The following THSD4 variants were observed in gnomAD, a reference collection of about 807,000 sequenced individuals.
The protein encoded by THSD4 is thrombospondin type 1 domain containing 4, also known as thrombospondin type-1 domain-containing protein 4.
THSD4 carries 69 observed loss-of-function variants against 119.0 expected under a neutral mutation model. The observed-to-expected ratio is 0.58, with a 90% CI of 0.48 to 0.71. The LOEUF is 0.71. THSD4 is among the 30% of genes least tolerant of loss of function. The probability of loss-of-function intolerance (pLI) is 0.00; values close to 1 mark genes in which losing one functional copy is unlikely to be tolerated. For missense variants in THSD4, 1,393 were observed against 1,391.1 expected (o/e 1.00, Z -0.02); for synonymous variants, 524 against 540.4 (o/e 0.97, Z 0.42).
intron 1 of THSD4, among the ~76,000 whole-genome samples, chr15:71,129,742 TAGAC>T (rs150423540): frequency 0.023 from 3,491 of 152,278 alleles, 139 homozygotes; most frequent in African/African-American, 0.081. Flanking sequence ...TCTGTAAGGA[TAGAC>T]AGAGTTTTTT....
chr15:71,298,374 C>T (rs958120647), intron 6 of THSD4, among the ~76,000 whole-genome samples: 5 of 152,114 alleles, frequency 3.3e-5, no homozygotes, highest in African/African-American at 4.8e-5. Context: ...AAATGTAAGT[C>T]TTCCAACTTT....
At chr15:71,747,506 C>T (rs1247343956) in intron 13 of THSD4, among the ~76,000 whole-genome samples, 1 of 152,142 alleles carries the variant, frequency 6.6e-6, no homozygotes, top group African/African-American at 2.4e-5. Flanking sequence ...ACACGAACAA[C>T]GTTGGACATG....
chr15:71,411,950 G>T (rs151279327), intron 7 of THSD4, 127 bp downstream of exon 7: 3 of 1,267,258 alleles, frequency 2.4e-6, no homozygotes, highest in Non-Finnish European at 3.2e-6. Flanking sequence ...TCAACCATGC[G>T]CTCTGGGAGG....
At chr15:71,347,813 C>G (rs2045686412) in intron 6 of THSD4, among the ~76,000 whole-genome samples, 1 of 152,166 alleles carries the variant, frequency 6.6e-6, no homozygotes, top group Admixed American at 6.5e-5. Flanking sequence ...TCTTGTTCTC[C>G]TAACTTAACA....
At chr15:71,350,815 T>C (rs1449819248) in intron 6 of THSD4, among the ~76,000 whole-genome samples, 1 of 152,202 alleles carries the variant, frequency 6.6e-6, no homozygotes, top group Non-Finnish European at 1.5e-5. Context: ...GGGCGTCTCC[T>C]GTGTGCAAGT....
At chr15:71,637,657 G>C (rs1595814915) in intron 7 of THSD4, among the ~76,000 whole-genome samples, 1 of 152,268 alleles carries the variant, frequency 6.6e-6, no homozygotes, top group South Asian at 2.1e-4. Context: ...TGGGGGAGGT[G>C]GCAATGGGGA....
intron 2 of THSD4, among the ~76,000 whole-genome samples, chr15:71,148,256 C>T (rs1269776434): frequency 6.6e-6 from 1 of 152,144 alleles, no homozygotes; most frequent in Non-Finnish European, 1.5e-5. Flanking sequence ...CAGAGGGAGC[C>T]CAGTTAAGAG....
intron 7 of THSD4, among the ~76,000 whole-genome samples, chr15:71,437,660 C>T (rs1232257604): frequency 6.6e-6 from 1 of 152,106 alleles, no homozygotes; most frequent in African/African-American, 2.4e-5. Context: ...TTTCTGAGCC[C>T]CAGCACTGCA....
At chr15:71,538,046 C>A (rs1251732894) in intron 7 of THSD4, among the ~76,000 whole-genome samples, 1 of 152,106 alleles carries the variant, frequency 6.6e-6, no homozygotes, top group Non-Finnish European at 1.5e-5. Context: ...AGACATGAGC[C>A]ACCGTGCCCA....
intron 7 of THSD4, among the ~76,000 whole-genome samples, chr15:71,620,387 G>A (rs2050399102): frequency 6.6e-6 from 1 of 152,030 alleles, no homozygotes; most frequent in Non-Finnish European, 1.5e-5. Context: ...GAGACTAGGA[G>A]TTAGAGATCA....
In THSD4 at chr15:71,779,541, C is replaced by A. The variant is rs2053966416; in HGVS notation, c.*2167C>A. On this transcript the variant is annotated 3_prime_UTR_variant, in exon 18 of 18. Transcript: ENST00000261862. ...AACACCTTCTAGCCATCAAAGCCGCCCAACAGAGGCAAGGGCCACCACACA... is the reference window on the plus strand; with the variant it reads ...AACACCTTCTAGCCATCAAAGCCGCACAACAGAGGCAAGGGCCACCACACA... The A allele has an allele frequency of 6.6e-6, 1 of 152,248 alleles. No individual in the cohort carries two copies. The allele number at this position is 152,248 out of a possible 1,614,324, so 9.4% of individuals were successfully genotyped here. A position where few individuals can be genotyped will look rare whatever the true frequency, so the allele number is the denominator to read the frequency against.
intron 10 of THSD4, chr15:71,732,473 C>A (rs2052999488): frequency 1.3e-5 from 2 of 152,142 alleles, no homozygotes; most frequent in Admixed American, 1.3e-4. Flanking sequence ...GCCCACCACC[C>A]AAATGCAGGC....
rs148732549 is a variant in THSD4, at chr15:71,220,773, G to A, written c.464+5374G>A. Among the ~76,000 whole-genome samples, 22 of 152,278 alleles carry A rather than the reference G, an allele frequency of 1.4e-4. No homozygotes were observed. In the East Asian group the frequency reaches 1.5e-3, roughly 11 times the overall value. Reference sequence around the variant, plus strand: ...ACAGGGAGCCAGGAACTGAGCTCCCGTCCAGATGGGTGGGACTCTGGGAAG... The same window carrying A: ...ACAGGGAGCCAGGAACTGAGCTCCCATCCAGATGGGTGGGACTCTGGGAAG... On this transcript the variant is annotated intron_variant, in intron 4 of 17. Transcript: ENST00000261862.
chr15:71,603,880 T>G (rs1184022390), intron 7 of THSD4, among the ~76,000 whole-genome samples: 2 of 152,144 alleles, frequency 1.3e-5, no homozygotes, highest in Non-Finnish European at 2.9e-5. Flanking sequence ...CTAGCTGTGG[T>G]CATCCAGGCA....
intron 6 of THSD4, among the ~76,000 whole-genome samples, chr15:71,257,981 T>G (rs1295775093): frequency 1.3e-5 from 2 of 151,998 alleles, no homozygotes; most frequent in Non-Finnish European, 2.9e-5. Flanking sequence ...TTGATTTGAT[T>G]CTGTGGATAG....
In THSD4 at chr15:71,351,574, C is replaced by T. The variant is rs2045744098; in HGVS notation, c.1016-60113C>T. On this transcript the variant is annotated intron_variant, in intron 6 of 17. Coordinates refer to ENST00000261862, the MANE Select transcript of THSD4 (RefSeq NM_024817.3). ...CACAAACTAAGCAAATCTTTTATAA[C>T]TTCAAAATATCAAAATGCTTCTCAC... Among the ~76,000 whole-genome samples the T allele has an allele frequency of 2.6e-5, 4 of 152,174 alleles. No homozygotes were observed. In the South Asian group the frequency reaches 8.3e-4, roughly 32 times the overall value.
chr15:71,367,041 C>T (rs1336854957), intron 6 of THSD4, among the ~76,000 whole-genome samples: 1 of 152,144 alleles, frequency 6.6e-6, no homozygotes, highest in Non-Finnish European at 1.5e-5. Context: ...ATTCAAGAGT[C>T]GTTAGTGAGT....
Position 71,777,242 on chromosome 15 carries a change from C to G in THSD4, c.2925C>G (p.Cys975Trp), listed in dbSNP as rs1490141685. ...TCTCTTTCGCTACAGATGAAAACTGCAAGGACAAGTACTACAACTGCAACG... is the reference window on the plus strand; with the variant it reads ...TCTCTTTCGCTACAGATGAAAACTGGAAGGACAAGTACTACAACTGCAACG... ...QDCVPEVDENCKDKYYNCNVV... is the reference protein window; with the variant it reads ...QDCVPEVDENWKDKYYNCNVV... Residue 975 changes from cysteine to tryptophan, a missense_variant, in exon 18 of 18, where the codon TGC (cysteine) becomes TGG (tryptophan). Physicochemically the swap from Cys to Trp is radical, Grantham distance 215. Transcript: ENST00000261862. 6.2e-7 allele frequency: 1 copy of G among 1,614,206 alleles called. No homozygotes were observed.
rs923083925 is a variant in THSD4 at position 71,115,774 on chromosome 15, C to T, written c.-80+76C>T. Reference sequence around the variant, plus strand: ...CGACCCGGCTTCCGCTGCCCAGGCTCCGGCTCCCGCTCTCTGGCCGGCGGG... The same window carrying T: ...CGACCCGGCTTCCGCTGCCCAGGCTTCGGCTCCCGCTCTCTGGCCGGCGGG... On this transcript the variant is annotated intron_variant, in intron 1 of 17. Coordinates refer to ENST00000261862, the MANE Select transcript of THSD4 (RefSeq NM_024817.3). The surrounding 1 kb of genome is among the most constrained non-coding windows in gnomAD (Gnocchi z 4.4). 4 of 149,704 alleles carry T rather than the reference C, an allele frequency of 2.7e-5. No individual in the cohort carries two copies. The highest frequency in any genetic ancestry group is 2.1e-4 in the South Asian group (1 of 4,826). The allele number at this position is 149,704 out of a possible 1,614,324, so 9.3% of individuals were successfully genotyped here.
Sources: gnomAD v4.1 joint callset for allele counts (sites outside exome capture counted in the v4.1 genomes callset) on GRCh38, gnomAD v4.1.1 for gene constraint, Gnocchi (gnomAD v3.1) non-coding constraint, MANE v1.5 for transcripts, NCBI Gene and HGNC (gene_info 2026-07-23, HGNC 2026-07-21) for gene names.